RIT2: variants seen among roughly 807,000 people sequenced by gnomAD.
RIT2 encodes GTP-binding protein Rit2.
RIT2 carries 24 observed loss-of-function variants against 23.7 expected under a neutral mutation model. That is an observed-to-expected ratio of 1.01 (90% confidence interval 0.73 to 1.43). The LOEUF (loss-of-function observed/expected upper bound fraction) is 1.43. Ranked by LOEUF, RIT2 falls within the 40% of genes most tolerant of loss-of-function variation. The pLI, the probability that RIT2 is intolerant of heterozygous loss-of-function variation, is 0.00. For synonymous variants in RIT2, 107 were observed against 91.1 expected (o/e 1.17, Z -0.99); for missense variants, 236 against 266.9 (o/e 0.88, Z 0.81).
intron 2 of RIT2, among the ~76,000 whole-genome samples, chr18:43,008,986 A>G (rs562828471): frequency 6.6e-6 from 1 of 151,788 alleles, no homozygotes; most frequent in African/African-American, 2.4e-5. Flanking sequence ...GAGATATTCA[A>G]TTGAAAACAT....
intron 1 of RIT2, among the ~76,000 whole-genome samples, chr18:43,086,345 A>C (rs9950667): frequency 0.93 from 141,335 of 152,152 alleles, 66,464 homozygotes; most frequent in East Asian, 1. Context: ...CAACTATACA[A>C]CAACGAATGT....
intron 1 of RIT2, among the ~76,000 whole-genome samples, chr18:43,082,544 G>A (rs139184936): frequency 9.3e-4 from 142 of 152,114 alleles, no homozygotes; most frequent in African/African-American, 3.1e-3. Context: ...TCAAGTCAAC[G>A]CCATCCCTGG....
At chr18:42,832,719 C>T (rs1325599159) in intron 4 of RIT2, among the ~76,000 whole-genome samples, 5 of 151,870 alleles carry the variant, frequency 3.3e-5, no homozygotes, top group Admixed American at 1.3e-4. Flanking sequence ...ATATATTGTA[C>T]TTAATTATAG....
intron 4 of RIT2, among the ~76,000 whole-genome samples, chr18:42,854,913 ACTACT>A (rs1263665961): frequency 1.3e-5 from 2 of 152,068 alleles, no homozygotes; most frequent in Admixed American, 1.3e-4. Context: ...AAATCCTACA[ACTACT>A]CTTCTCTGAT....
At chr18:42,993,688 TACAGCC>T (rs921849943) in intron 2 of RIT2, among the ~76,000 whole-genome samples, 4 of 152,230 alleles carry the variant, frequency 2.6e-5, no homozygotes, top group African/African-American at 9.6e-5. Flanking sequence ...ATTCCTGGGC[TACAGCC>T]ACACCTCATT....
intron 4 of RIT2, among the ~76,000 whole-genome samples, chr18:42,858,499 CT>C (rs2144046285): frequency 6.6e-6 from 1 of 152,268 alleles, no homozygotes; most frequent in South Asian, 2.1e-4. Context: ...AAGGAGTCCC[CT>C]GAATGGAAAC....
intron 3 of RIT2, among the ~76,000 whole-genome samples, chr18:42,953,676 A>G (rs1055696600): frequency 2.6e-5 from 4 of 152,214 alleles, no homozygotes; most frequent in African/African-American, 9.6e-5. Flanking sequence ...CAACACTGTT[A>G]AAGCTTGGGA....
intron 2 of RIT2, among the ~76,000 whole-genome samples, chr18:42,979,814 T>C (rs1209299758): frequency 6.6e-6 from 1 of 152,190 alleles, no homozygotes; most frequent in Non-Finnish European, 1.5e-5. Context: ...CCAGGTGGTT[T>C]CCACCCACAT....
chr18:42,777,560 G>C lies in RIT2; in HGVS notation c.427-33840C>G, dbSNP rs544767310. On this transcript the variant is annotated intron_variant, in intron 4 of 4. Coordinates refer to ENST00000326695, the MANE Select transcript of RIT2 (RefSeq NM_002930.4). ...TTTCAAAGGAAAAAAGTGATCAACT[G>C]TGTCAAAAATTGCTGCTGATATGTC... Among the ~76,000 whole-genome samples, 326 of 152,320 alleles carry C rather than the reference G, an allele frequency of 2.1e-3. 3 individuals carry two copies. The Middle Eastern group carries it at 0.037, about 17-fold the overall frequency.
chr18:42,984,440 A>C lies in RIT2; in HGVS notation c.161-10293T>G, dbSNP rs552019274. Among the ~76,000 whole-genome samples, 4 of 152,192 alleles carry C rather than the reference A, an allele frequency of 2.6e-5. No individual in the cohort carries two copies. The South Asian group carries it at 8.3e-4, about 32-fold the overall frequency. ...AAATATGGCTTCATAAGGCAACATAAGGGATCCTTGTGGTCAGGGAAATGT... is the reference window on the plus strand; with the variant it reads ...AAATATGGCTTCATAAGGCAACATACGGGATCCTTGTGGTCAGGGAAATGT... On this transcript the variant is annotated intron_variant, in intron 2 of 4. Coordinates refer to ENST00000326695, the MANE Select transcript of RIT2 (RefSeq NM_002930.4).
At chr18:42,922,332 G>A (rs535473610) in intron 4 of RIT2, among the ~76,000 whole-genome samples, 33 of 152,062 alleles carry the variant, frequency 2.2e-4, no homozygotes, top group East Asian at 9.7e-4. Context: ...AGATTCCTAC[G>A]TTAGTAAAAG....
chr18:42,992,463 T>C (rs1333498680), intron 2 of RIT2, among the ~76,000 whole-genome samples: 1 of 152,106 alleles, frequency 6.6e-6, no homozygotes, highest in Non-Finnish European at 1.5e-5. Context: ...CTCCCACCTG[T>C]CCCCTCAGTC....
At chr18:42,987,869 A>G (rs1376909832) in intron 2 of RIT2, among the ~76,000 whole-genome samples, 1 of 152,110 alleles carries the variant, frequency 6.6e-6, no homozygotes, top group Non-Finnish European at 1.5e-5. Flanking sequence ...AGAGGGAAAA[A>G]GAGGGCAGGC....
At position 42,803,667 on chromosome 18, in the gene RIT2, G is replaced by T. The variant is rs537076051; in HGVS notation, c.427-59947C>A. Among the ~76,000 whole-genome samples, 18 of 152,284 alleles carry T rather than the reference G, an allele frequency of 1.2e-4. 1 individual carries two copies. In the South Asian group the frequency reaches 3.5e-3, roughly 30 times the overall value. The stretch of plus-strand genomic sequence containing the variant: ...AATTTAAGCAGTATAAAATAATACA[G>T]CATGTTTTATGGGGCAATTAATACA... On this transcript the variant is annotated intron_variant, in intron 4 of 4. Coordinates refer to ENST00000326695, the MANE Select transcript of RIT2 (RefSeq NM_002930.4).
At chr18:42,814,846 A>G (rs1209425233) in intron 4 of RIT2, among the ~76,000 whole-genome samples, 2 of 152,156 alleles carry the variant, frequency 1.3e-5, no homozygotes, top group African/African-American at 4.8e-5. Flanking sequence ...CCACTGGATC[A>G]GGTGCTGGTA....
At chr18:43,039,353 T>C (rs1297555434) in intron 1 of RIT2, among the ~76,000 whole-genome samples, 1 of 150,230 alleles carries the variant, frequency 6.7e-6, no homozygotes, top group African/African-American at 2.4e-5. Context: ...TCTTTTCTTT[T>C]TTTTTTTTTT....
intron 4 of RIT2, among the ~76,000 whole-genome samples, chr18:42,882,938 T>C (rs1252534320): frequency 6.6e-6 from 1 of 152,218 alleles, no homozygotes; most frequent in Non-Finnish European, 1.5e-5. Context: ...GGTAGCTTGA[T>C]AGCATATGTG....
chr18:42,951,203 T>C (rs112478848), intron 3 of RIT2, among the ~76,000 whole-genome samples: 2 of 151,894 alleles, frequency 1.3e-5, no homozygotes, highest in African/African-American at 4.8e-5. Flanking sequence ...ATAAAGAAAA[T>C]GTAGAAAATG....
intron 1 of RIT2, among the ~76,000 whole-genome samples, chr18:43,086,338 C>G (rs542886297): frequency 1.1e-4 from 16 of 152,090 alleles, no homozygotes; most frequent in Non-Finnish European, 1.9e-4. Context: ...CTATGAACAA[C>G]TATACAACAA....
Sources: allele counts gnomAD v4.1 joint callset (sites outside exome capture counted in the v4.1 genomes callset), GRCh38; gene constraint gnomAD v4.1.1; transcripts MANE v1.5; gene names NCBI Gene and HGNC (gene_info 2026-07-23, HGNC 2026-07-21).